ROBO2: variants seen among roughly 807,000 people sequenced by gnomAD.
ROBO2 encodes roundabout guidance receptor 2, also known as roundabout homolog 2.
In ROBO2, 53 loss-of-function variants were observed where a neutral mutation model predicts 160.8. The ratio of observed to expected loss-of-function variants is 0.33; its 90% CI spans 0.26 to 0.41. ROBO2 has a LOEUF of 0.41. Among genes scored for constraint, ROBO2 ranks in the 10% least tolerant of loss-of-function variants. The probability of loss-of-function intolerance (pLI) is 1.00; values close to 1 mark genes in which losing one functional copy is unlikely to be tolerated. For synonymous variants in ROBO2, 664 were observed against 611.7 expected, an observed-to-expected ratio of 1.09 and a Z score of -1.26; for missense variants, 1,577 against 1,722.4, an observed-to-expected ratio of 0.92 and a Z score of 1.49.
chr3:76,361,016 G>A (rs1450675082), intron 2 of ROBO2, among the ~76,000 whole-genome samples: 2 of 152,006 alleles, frequency 1.3e-5, no homozygotes, highest in African/African-American at 4.8e-5. Context: ...AGTCGTTACT[G>A]TGCAGCTGAC....
At chr3:76,984,174 A>C (rs534126391) in intron 2 of ROBO2, among the ~76,000 whole-genome samples, 154 of 152,252 alleles carry the variant, frequency 1.0e-3, no homozygotes, top group African/African-American at 3.4e-3. Flanking sequence ...GGGGATTACA[A>C]TTCAAAAATG....
chr3:76,455,708 A>T (rs1255783317), intron 2 of ROBO2, among the ~76,000 whole-genome samples: 1 of 152,126 alleles, frequency 6.6e-6, no homozygotes, highest in African/African-American at 2.4e-5. Flanking sequence ...TTTCATGCAC[A>T]TTCCTTTCAG....
At chr3:76,081,585 C>A (rs939198322) in intron 2 of ROBO2, among the ~76,000 whole-genome samples, 3 of 152,018 alleles carry the variant, frequency 2.0e-5, no homozygotes, top group African/African-American at 7.2e-5. Context: ...GAAATGAATT[C>A]AACACTTTAG....
At chr3:76,016,405 A>C (rs1428279643) in intron 2 of ROBO2, among the ~76,000 whole-genome samples, 1 of 151,852 alleles carries the variant, frequency 6.6e-6, no homozygotes, top group Non-Finnish European at 1.5e-5. Context: ...TTGGCATGAA[A>C]TCTCTGTCAG....
intron 2 of ROBO2, among the ~76,000 whole-genome samples, chr3:75,959,966 G>T (rs1351089831): frequency 6.6e-6 from 1 of 151,812 alleles, no homozygotes; most frequent in Non-Finnish European, 1.5e-5. Context: ...CTGCTGTGCA[G>T]TCACAGTCTG....
chr3:77,012,510 T>A (rs963553725), intron 2 of ROBO2, among the ~76,000 whole-genome samples: 2 of 152,228 alleles, frequency 1.3e-5, no homozygotes, highest in Non-Finnish European at 2.9e-5. Flanking sequence ...TATGCTTTGT[T>A]GTGACTTTAA....
intron 2 of ROBO2, among the ~76,000 whole-genome samples, chr3:77,170,796 A>T (rs1041226565): frequency 7.2e-5 from 11 of 152,090 alleles, no homozygotes; most frequent in African/African-American, 2.7e-4. Flanking sequence ...AAATAAAATA[A>T]TCGACCCATG....
chr3:75,985,595 T>G (rs2065393161), intron 2 of ROBO2, among the ~76,000 whole-genome samples: 1 of 151,560 alleles, frequency 6.6e-6, no homozygotes, highest in South Asian at 2.1e-4. Context: ...GAAACATCAT[T>G]ATGTGGTTTA....
chr3:76,165,836 T>G (rs1298079960), intron 2 of ROBO2, among the ~76,000 whole-genome samples: 1 of 151,996 alleles, frequency 6.6e-6, no homozygotes, highest in East Asian at 1.9e-4. Flanking sequence ...AGAAATTAGC[T>G]CATGAGGTTG....
At chr3:77,436,463 A>G (rs1047581955) in intron 2 of ROBO2, among the ~76,000 whole-genome samples, 4 of 151,728 alleles carry the variant, frequency 2.6e-5, no homozygotes, top group Non-Finnish European at 5.9e-5. Context: ...TTATTCCTCT[A>G]CACATTTTAT....
rs2077644419 is a variant in ROBO2, at chr3:76,454,482, G to A, written c.109+516880G>A. Among the ~76,000 whole-genome samples the A allele has an allele frequency of 1.3e-5, 2 of 152,250 alleles. 1 individual carries two copies. Among genetic ancestry groups the A allele is most frequent in the South Asian group, 4.1e-4 (2 of 4,832 alleles). Reference sequence around the variant, plus strand: ...GATTGTAACTCTGTGAGATTAAAAGGTGGTTGGAGATCAGGAGAGTATGGT... The same window carrying A: ...GATTGTAACTCTGTGAGATTAAAAGATGGTTGGAGATCAGGAGAGTATGGT... On this transcript the variant is annotated intron_variant, in intron 2 of 26. Coordinates refer to the ROBO2 transcript ENST00000487694.
intron 2 of ROBO2, among the ~76,000 whole-genome samples, chr3:76,220,233 C>T (rs893852528): frequency 6.6e-5 from 10 of 150,802 alleles, no homozygotes; most frequent in Admixed American, 2.0e-4. Flanking sequence ...TGCTAAATGA[C>T]GAGTTAATGG....
chr3:77,034,378 TAAA>T (rs200520468), intron 2 of ROBO2, among the ~76,000 whole-genome samples: 20 of 131,140 alleles, frequency 1.5e-4, no homozygotes, highest in Non-Finnish European at 2.3e-4. Context: ...TATTCTTTGT[TAAA>T]AAAAAAAAAA....
intron 2 of ROBO2, among the ~76,000 whole-genome samples, chr3:76,381,974 C>A (rs1417685852): frequency 6.6e-6 from 1 of 151,504 alleles, no homozygotes; most frequent in East Asian, 2.0e-4. Flanking sequence ...TTTTTGTTTT[C>A]TATTGTTTTG....
chr3:76,563,566 A>T (rs906702046), intron 2 of ROBO2, among the ~76,000 whole-genome samples: 1 of 152,162 alleles, frequency 6.6e-6, no homozygotes, highest in Non-Finnish European at 1.5e-5. Flanking sequence ...GAATTCCCAG[A>T]TCTTTGTTAT....
rs530199009 is a variant in ROBO2 at position 77,345,933 on chromosome 3, C to T, written c.389-131481C>T. ...AAATGTTAATTATGCTGTTGTATGGCGGCTAAGATGGTACATCCAGAAATT... is the reference window on the plus strand; with the variant it reads ...AAATGTTAATTATGCTGTTGTATGGTGGCTAAGATGGTACATCCAGAAATT... On this transcript the variant is annotated intron_variant, in intron 2 of 25. Transcript: ENST00000461745. Among the ~76,000 whole-genome samples, 5 of 152,158 alleles carry T rather than the reference C, an allele frequency of 3.3e-5. No individual in the cohort carries two copies. In the East Asian group the frequency reaches 5.8e-4, roughly 18 times the overall value.
intron 2 of ROBO2, among the ~76,000 whole-genome samples, chr3:77,414,794 A>T (rs184534762): frequency 6.6e-6 from 1 of 152,356 alleles, no homozygotes; most frequent in Non-Finnish European, 1.5e-5. Flanking sequence ...ATTGTTTGGT[A>T]AAGAAACAAT....
intron 2 of ROBO2, among the ~76,000 whole-genome samples, chr3:77,475,458 CGTT>C (rs1181001680): frequency 1.3e-4 from 19 of 151,962 alleles, no homozygotes; most frequent in Admixed American, 1.2e-3. Flanking sequence ...ATTGGTGTAA[CGTT>C]GTATTTCTGA....
intron 2 of ROBO2, among the ~76,000 whole-genome samples, chr3:76,647,098 G>A (rs988742816): frequency 2.6e-5 from 4 of 152,182 alleles, no homozygotes; most frequent in African/African-American, 7.2e-5. Context: ...AGAGGAGGCT[G>A]CGTTGCTCGT....
Sources: gnomAD v4.1 joint callset for allele counts (sites outside exome capture counted in the v4.1 genomes callset) on GRCh38, gnomAD v4.1.1 for gene constraint, MANE v1.5 for transcripts, NCBI Gene and HGNC (gene_info 2026-07-23, HGNC 2026-07-21) for gene names.